C5orf24: variants seen among roughly 807,000 people sequenced by gnomAD.
C5orf24 encodes chromosome 5 open reading frame 24.
C5orf24 carries 4 observed loss-of-function variants against 9.8 expected under a neutral mutation model. The ratio of observed to expected loss-of-function variants is 0.41; its 90% confidence interval spans 0.20 to 0.93. C5orf24 has a LOEUF of 0.93. Among genes scored for constraint, C5orf24 ranks in the 40% least tolerant of loss-of-function variants. The pLI is 0.33. For missense variants in C5orf24, 170 were observed against 236.9 expected (o/e 0.72, Z 1.85); for synonymous variants, 73 against 81.3 (o/e 0.90, Z 0.55).
At chr5:134,853,528 C>CTTTTTTTTTTTTTT (rs773207000) in intron 1 of C5orf24, among the ~76,000 whole-genome samples, 41 of 104,242 alleles carry the variant, frequency 3.9e-4, no homozygotes, top group East Asian at 6.6e-4. Context: ...TCTTCTTCTT[C>CTTTTTTTTTTTTTT]TTTTTTTTTT....
intron 1 of C5orf24, among the ~76,000 whole-genome samples, chr5:134,849,802 T>C (rs574890054): frequency 5.4e-4 from 82 of 151,342 alleles, no homozygotes; most frequent in Middle Eastern, 3.4e-3. Flanking sequence ...GGATTACAAG[T>C]GCATGCCTCC....
Position 134,853,640 on chromosome 5 carries a change from T to C in C5orf24, c.-3-1258T>C, listed in dbSNP as rs889972302. ...GATCCTCCCACCTCAGCCTCCCTTA[T>C]AGCTGATGCCACCATGCCTGGCTGG... is the stretch of plus-strand genomic sequence containing the variant. On this transcript the variant is annotated intron_variant, in intron 1 of 1. Coordinates refer to ENST00000394976, the MANE Select transcript of C5orf24 (RefSeq NM_001135586.1). Among the ~76,000 whole-genome samples the C allele has an allele frequency of 5.3e-5, 8 of 150,578 alleles. No homozygotes were observed. The East Asian group carries it at 6.0e-4, about 11-fold the overall frequency.
In C5orf24 at chr5:134,855,157, G is replaced by C. The variant is rs760932124; in HGVS notation, c.257G>C (p.Arg86Pro). Residue 86 changes from arginine to proline, a missense_variant, in exon 2 of 2, where the codon CGA becomes CCA. Arg to Pro is a moderately radical substitution (Grantham distance 103). Coordinates refer to ENST00000394976, the MANE Select transcript of C5orf24 (RefSeq NM_001135586.1). ...CTAAAGAAAAAGAAGAATCTCAACC[G>C]ATCTGGTAAGCGTGGCCGGCCTTCG... ...DELKKKKNLNRSGKRGRPSGT... is the reference protein window; with the variant it reads ...DELKKKKNLNPSGKRGRPSGT... 2.5e-6 allele frequency: 4 copies of C among 1,614,160 alleles called. No homozygotes were observed. Among genetic ancestry groups the C allele is most frequent in the Non-Finnish European group, 3.4e-6 (4 of 1,180,038 alleles).
chr5:134,849,247 T>A lies in C5orf24; in HGVS notation c.-4+3035T>A, dbSNP rs1313947474. Among the ~76,000 whole-genome samples the A allele has an allele frequency of 3.3e-5, 5 of 151,964 alleles. No individual in the cohort carries two copies. The South Asian group carries it at 1.0e-3, about 32-fold the overall frequency. ...TCCAGCCTGGGCAACAGAGCTAGAC[T>A]TCGTCTCAAAAAAAAAAAGGGAGTG... is the stretch of plus-strand genomic sequence containing the variant. On this transcript the variant is annotated intron_variant, in intron 1 of 1. Transcript: ENST00000394976.
Position 134,855,422 on chromosome 5 carries a change from T to C in C5orf24, c.522T>C (p.His174=). Reference sequence around the variant, plus strand: ...CTATGATGCATGGCAGAGCAGTTCATGGGGTAGAGGAAACTAGCAGTGAAG... The same window carrying C: ...CTATGATGCATGGCAGAGCAGTTCACGGGGTAGAGGAAACTAGCAGTGAAG... The part of the protein sequence containing the change: ...PYPMMHGRAV[H]GVEETSSEVK... The change falls in exon 2 of 2, where the codon CAT becomes CAC. Residue 174 remains histidine (H), a synonymous_variant. Transcript: ENST00000394976. 1.2e-6 allele frequency: 2 copies of C among 1,614,106 alleles called. No homozygotes were observed. The highest frequency in any genetic ancestry group is 1.7e-6 in the Non-Finnish European group (2 of 1,180,010).
chr5:134,841,286 C>CT (rs980194174), upstream of C5orf24, among the ~76,000 whole-genome samples: 1,774 of 146,838 alleles, frequency 0.012, 16 homozygotes, highest in Non-Finnish European at 0.018. Flanking sequence ...TCAGTGATTT[C>CT]TTTTTTTTTT....
upstream of C5orf24, among the ~76,000 whole-genome samples, chr5:134,840,759 C>T (rs531622011): frequency 6.6e-6 from 1 of 152,140 alleles, no homozygotes; most frequent in African/African-American, 2.4e-5. Context: ...TGATCTCCCA[C>T]TCCTGGGCTC....
the C5orf24 span, among the ~76,000 whole-genome samples, chr5:134,838,400 G>A: frequency 6.6e-6 from 1 of 152,222 alleles, no homozygotes; most frequent in South Asian, 2.1e-4. Context: ...GCCGGATGCG[G>A]TGGCTCACGC....
the C5orf24 span, among the ~76,000 whole-genome samples, chr5:134,836,235 C>T: frequency 2.3e-5 from 3 of 131,398 alleles, no homozygotes; most frequent in Admixed American, 9.2e-5. Flanking sequence ...TGTGCAATGG[C>T]GTGATCTCAG....
chr5:134,840,133 T>G, the C5orf24 span, among the ~76,000 whole-genome samples: 1 of 151,816 alleles, frequency 6.6e-6, no homozygotes, highest in African/African-American at 2.4e-5. Context: ...ATGGTGAAAC[T>G]CCATCTCTAC....
Position 134,858,993 on chromosome 5 carries a change from A to G in C5orf24, c.*3526A>G, listed in dbSNP as rs1429960847. On this transcript the variant is annotated 3_prime_UTR_variant, in exon 2 of 2. Transcript: ENST00000394976. ...TACATGTCTATTTTCATGAACTAAG[A>G]ATAGAGTTTCTTTGAGTTGAGGAGA... The G allele has an allele frequency of 1.2e-5, 2 of 166,942 alleles. No homozygotes were observed. The highest frequency in any genetic ancestry group is 2.4e-5 in the African/African-American group (1 of 41,442). 10.3% of individuals were successfully genotyped at this position (166,942 alleles called of 1,614,324 possible). A position where few individuals can be genotyped will look rare whatever the true frequency, so the allele number is the denominator to read the frequency against.
At chr5:134,837,095 TC>T in the C5orf24 span, among the ~76,000 whole-genome samples, 1 of 152,118 alleles carries the variant, frequency 6.6e-6, no homozygotes, top group Non-Finnish European at 1.5e-5. Flanking sequence ...TGTCTCAGCC[TC>T]CCAAGTAGCT....
the C5orf24 span, among the ~76,000 whole-genome samples, chr5:134,835,043 C>CAA: frequency 3.0e-5 from 4 of 132,460 alleles, no homozygotes; most frequent in African/African-American, 8.3e-5. Context: ...AACTCCATCT[C>CAA]AAAAAAAAAA....
the C5orf24 span, among the ~76,000 whole-genome samples, chr5:134,840,622 C>G: frequency 6.6e-6 from 1 of 152,094 alleles, no homozygotes; most frequent in Admixed American, 6.5e-5. Flanking sequence ...CAGCCTCAAC[C>G]TCATGGGCTC....
At chr5:134,852,255 G>C (rs557768580) in intron 1 of C5orf24, among the ~76,000 whole-genome samples, 1 of 152,144 alleles carries the variant, frequency 6.6e-6, no homozygotes, top group South Asian at 2.1e-4. Flanking sequence ...TCTAGTTCTT[G>C]TATCTGTGGG....
chr5:134,850,819 T>C (rs1162809213), intron 1 of C5orf24, among the ~76,000 whole-genome samples: 3 of 151,628 alleles, frequency 2.0e-5, no homozygotes. Context: ...CAGTGTGGAT[T>C]GATATCTGAG....
At position 134,846,196 on chromosome 5, in the gene C5orf24, G is replaced by A. The variant is rs1036306200; in HGVS notation, c.-20G>A. ...AGCCCCTAGACGCGCCGAGGGGCCGGGCTACGAGCGGCTGAGGTAGGTAGG... is the reference window on the plus strand; with the variant it reads ...AGCCCCTAGACGCGCCGAGGGGCCGAGCTACGAGCGGCTGAGGTAGGTAGG... On this transcript the variant is annotated 5_prime_UTR_variant, in exon 1 of 2. Transcript: ENST00000394976. 1.3e-5 allele frequency: 2 copies of A among 152,332 alleles called. No homozygotes were observed. Among genetic ancestry groups the A allele is most frequent in the Non-Finnish European group, 2.9e-5 (2 of 68,160 alleles). 9.4% of individuals were successfully genotyped at this position (152,332 alleles called of 1,614,324 possible).
At chr5:134,834,167 C>T in the C5orf24 span, among the ~76,000 whole-genome samples, 1 of 152,160 alleles carries the variant, frequency 6.6e-6, no homozygotes, top group Non-Finnish European at 1.5e-5. Flanking sequence ...TCTCTCTTCA[C>T]AACTTTGCAT....
At chr5:134,838,011 C>T in the C5orf24 span, among the ~76,000 whole-genome samples, 2 of 152,140 alleles carry the variant, frequency 1.3e-5, no homozygotes, top group East Asian at 1.9e-4. Context: ...CTTTGCGAGG[C>T]AGTGGCGGGA....
Sources: gnomAD v4.1 joint callset for allele counts (sites outside exome capture counted in the v4.1 genomes callset) on GRCh38, gnomAD v4.1.1 for gene constraint, MANE v1.5 for transcripts, NCBI Gene and HGNC (gene_info 2026-07-23, HGNC 2026-07-21) for gene names.